The following CAMTA1 variants were observed in gnomAD, a reference collection of about 807,000 sequenced individuals.
The protein encoded by CAMTA1 is calmodulin-binding transcription activator 1.
In CAMTA1, 27 loss-of-function variants were observed where a neutral mutation model predicts 170.9. The ratio of observed to expected loss-of-function variants is 0.16; its 90% CI spans 0.12 to 0.22. The LOEUF is 0.22. Among genes scored for constraint, CAMTA1 ranks in the 10% least tolerant of loss-of-function variants. The probability of loss-of-function intolerance (pLI) is 1.00; values close to 1 mark genes in which losing one functional copy is unlikely to be tolerated. For synonymous variants in CAMTA1, 833 were observed against 891.5 expected (o/e 0.93, Z 1.17); for missense variants, 1,619 against 2,217.2 (o/e 0.73, Z 5.42).
At chr1:7,714,424 A>G (rs917701156) in intron 11 of CAMTA1, among the ~76,000 whole-genome samples, 2 of 152,232 alleles carry the variant, frequency 1.3e-5, no homozygotes, top group South Asian at 4.1e-4. Flanking sequence ...CTTCGATGAA[A>G]TGGTGCTTTG....
intron 3 of CAMTA1, among the ~76,000 whole-genome samples, chr1:7,046,240 C>T (rs1572665441): frequency 6.6e-6 from 1 of 152,320 alleles, no homozygotes; most frequent in Non-Finnish European, 1.5e-5. Context: ...ATTTAATAAG[C>T]TAGTAGCCAA....
At chr1:6,792,145 A>G (rs1641289294) in intron 1 of CAMTA1, among the ~76,000 whole-genome samples, 2 of 151,868 alleles carry the variant, frequency 1.3e-5, no homozygotes, top group African/African-American at 2.4e-5. Context: ...TTTAGTAGAG[A>G]CGGGGTTTCA....
intron 6 of CAMTA1, among the ~76,000 whole-genome samples, chr1:7,564,886 G>C (rs2095018659): frequency 6.6e-6 from 1 of 151,954 alleles, no homozygotes; most frequent in Non-Finnish European, 1.5e-5. Context: ...AAAAACAGTG[G>C]GGTGGAAAAA....
intron 3 of CAMTA1, among the ~76,000 whole-genome samples, chr1:6,883,390 T>G (rs1672177661): frequency 6.6e-6 from 1 of 152,156 alleles, no homozygotes; most frequent in African/African-American, 2.4e-5. Context: ...GATAGGGAGC[T>G]GAGCTGGTGC....
intron 3 of CAMTA1, among the ~76,000 whole-genome samples, chr1:6,996,910 G>A (rs2100548224): frequency 6.6e-6 from 1 of 152,272 alleles, no homozygotes; most frequent in Admixed American, 6.5e-5. Flanking sequence ...TATGTCTCAT[G>A]AATTTTGACA....
rs1163714277 is a variant in CAMTA1, at chr1:6,965,505, G to A, written c.235-125799G>A. Reference sequence around the variant, plus strand: ...TTTATTAGCCCCCCTGGCTCAGAGGGGGCTGGGCACTGGTAGCAGCTGAAG... The same window carrying A: ...TTTATTAGCCCCCCTGGCTCAGAGGAGGCTGGGCACTGGTAGCAGCTGAAG... On this transcript the variant is annotated intron_variant, in intron 3 of 22. Transcript: ENST00000303635. This position sits in a 1 kb window ranked among gnomAD's most constrained non-coding sequence, Gnocchi z 4.1. Among the ~76,000 whole-genome samples, 1 of 152,162 alleles carries A rather than the reference G, an allele frequency of 6.6e-6. No homozygotes were observed. Among genetic ancestry groups the A allele is most frequent in the African/African-American group, 2.4e-5 (1 of 41,438 alleles).
chr1:7,660,171 C>T (rs907365915), intron 7 of CAMTA1, among the ~76,000 whole-genome samples: 7 of 152,224 alleles, frequency 4.6e-5, no homozygotes, highest in East Asian at 1.9e-4. Context: ...GCCTCCCAGA[C>T]GATTCTTTTG....
intron 4 of CAMTA1, among the ~76,000 whole-genome samples, chr1:7,132,557 T>C (rs937061504): frequency 2.0e-5 from 3 of 152,144 alleles, no homozygotes; most frequent in Middle Eastern, 3.2e-3. Flanking sequence ...AAAGAGGTTC[T>C]CTGTGAGGCC....
intron 5 of CAMTA1, among the ~76,000 whole-genome samples, chr1:7,379,824 C>A (rs1047762683): frequency 1.3e-5 from 2 of 152,238 alleles, no homozygotes; most frequent in Non-Finnish European, 2.9e-5. Context: ...GGACAGCTTT[C>A]CTTGTGTTCT....
intron 5 of CAMTA1, among the ~76,000 whole-genome samples, chr1:7,462,214 G>A (rs1430088111): frequency 6.6e-6 from 1 of 150,732 alleles, no homozygotes; most frequent in Non-Finnish European, 1.5e-5. Flanking sequence ...CACAACCTCC[G>A]CCTCCTGGGT....
At chr1:7,330,465 CT>C (rs1439880400) in intron 5 of CAMTA1, among the ~76,000 whole-genome samples, 1 of 152,150 alleles carries the variant, frequency 6.6e-6, no homozygotes, top group Non-Finnish European at 1.5e-5. Context: ...TGTACGCCCC[CT>C]TCTGAGGATT....
At chr1:7,328,008 T>G (rs1278249423) in intron 5 of CAMTA1, among the ~76,000 whole-genome samples, 2 of 152,250 alleles carry the variant, frequency 1.3e-5, no homozygotes, top group Non-Finnish European at 2.9e-5. Flanking sequence ...TTGAGACTTA[T>G]TGTTACAATT....
At chr1:6,894,549 T>C (rs746646886) in intron 3 of CAMTA1, among the ~76,000 whole-genome samples, 1 of 152,254 alleles carries the variant, frequency 6.6e-6, no homozygotes, top group Non-Finnish European at 1.5e-5. Context: ...TCAGCCCTTC[T>C]TGGCAGTAAA....
At chr1:7,320,344 A>G (rs2149678877) in intron 5 of CAMTA1, among the ~76,000 whole-genome samples, 1 of 152,318 alleles carries the variant, frequency 6.6e-6, no homozygotes, top group South Asian at 2.1e-4. Flanking sequence ...TCTGTTCCGT[A>G]TGAATGAAAA....
intron 3 of CAMTA1, among the ~76,000 whole-genome samples, chr1:6,955,346 T>G (rs540757034): frequency 1.3e-5 from 2 of 152,234 alleles, no homozygotes; most frequent in African/African-American, 4.8e-5. Context: ...CATCTGACCC[T>G]TAGGAAGCTA....
chr1:7,480,122 T>TGA (rs771476583), intron 6 of CAMTA1, among the ~76,000 whole-genome samples: 56 of 149,188 alleles, frequency 3.8e-4, no homozygotes, highest in Non-Finnish European at 6.3e-4. Flanking sequence ...TGTGTGTGTG[T>TGA]GAGTATGTGT....
At chr1:7,625,282 C>T (rs1339440430) in intron 6 of CAMTA1, among the ~76,000 whole-genome samples, 2 of 152,198 alleles carry the variant, frequency 1.3e-5, no homozygotes, top group Admixed American at 1.3e-4. Flanking sequence ...GGGCGGTGGC[C>T]TCAAGGGCCA....
chr1:7,378,090 T>C (rs902546062), intron 5 of CAMTA1, among the ~76,000 whole-genome samples: 2 of 152,130 alleles, frequency 1.3e-5, no homozygotes, highest in African/African-American at 4.8e-5. Context: ...ACAGAACAAG[T>C]TCGCAAACCC....
intron 4 of CAMTA1, among the ~76,000 whole-genome samples, chr1:7,232,930 C>T (rs1255923357): frequency 6.6e-6 from 1 of 151,668 alleles, no homozygotes; most frequent in Middle Eastern, 3.2e-3. Flanking sequence ...AGGAGAAGAG[C>T]AAACTCCCTC....
Sources: allele counts gnomAD v4.1 joint callset (sites outside exome capture counted in the v4.1 genomes callset), GRCh38; gene constraint gnomAD v4.1.1; non-coding constraint Gnocchi (gnomAD v3.1); transcripts MANE v1.5; gene names NCBI Gene and HGNC (gene_info 2026-07-23, HGNC 2026-07-21).